PAPPA2: variants seen among roughly 807,000 people sequenced by gnomAD.
PAPPA2 encodes the protein pappalysin 2, also known as pappalysin-2.
In PAPPA2, 86 loss-of-function variants were observed where a neutral mutation model predicts 176.4. The observed-to-expected ratio is 0.49, with a 90% CI of 0.41 to 0.58. The LOEUF is 0.58. Among genes scored for constraint, PAPPA2 ranks in the 20% least tolerant of loss-of-function variants. The pLI, the probability that PAPPA2 is intolerant of heterozygous loss-of-function variation, is 0.00. For missense variants in PAPPA2, 2,073 were observed against 2,256.9 expected (o/e 0.92, Z 1.65); for synonymous variants, 809 against 852.2 (o/e 0.95, Z 0.88).
At chr1:176,829,839 A>G (rs905746859) in intron 21 of PAPPA2, among the ~76,000 whole-genome samples, 1 of 152,198 alleles carries the variant, frequency 6.6e-6, no homozygotes, top group Non-Finnish European at 1.5e-5. Flanking sequence ...GTGAGTGGCC[A>G]CCTAGAGAGG....
At chr1:176,811,489 TA>T (rs1666147479) in intron 21 of PAPPA2, among the ~76,000 whole-genome samples, 1 of 152,156 alleles carries the variant, frequency 6.6e-6, no homozygotes, top group Admixed American at 6.5e-5. Context: ...AAAGGGGTTA[TA>T]AAAATGCTAA....
chr1:176,652,641 C>A (rs1366742619), intron 3 of PAPPA2, among the ~76,000 whole-genome samples: 2 of 151,660 alleles, frequency 1.3e-5, no homozygotes, highest in Non-Finnish European at 3.0e-5. Context: ...GGTAGTTTCA[C>A]CTCTCTTCAT....
At chr1:176,824,135 C>T (rs1401806216) in intron 21 of PAPPA2, among the ~76,000 whole-genome samples, 1 of 152,200 alleles carries the variant, frequency 6.6e-6, no homozygotes, top group Non-Finnish European at 1.5e-5. Context: ...CTTACACTGT[C>T]TCAGTTTGCT....
chr1:176,479,305 G>A lies in PAPPA2; in HGVS notation c.-917+15887G>A, dbSNP rs146994229. ...GGATCTAACTGGTTTTTGGCTTGTT[G>A]TTCTTCTTGTGGAGGTTTTGGTGGA... On this transcript the variant is annotated intron_variant, in intron 1 of 22. Transcript: ENST00000367662. 2.0e-5 allele frequency among the ~76,000 whole-genome samples: 3 copies of A among 152,260 alleles called. No individual in the cohort carries two copies. The East Asian group carries it at 5.8e-4, about 29-fold the overall frequency.
intron 1 of PAPPA2, among the ~76,000 whole-genome samples, chr1:176,549,360 A>G (rs1187799169): frequency 6.6e-6 from 1 of 152,248 alleles, no homozygotes; most frequent in African/African-American, 2.4e-5. Flanking sequence ...TTTATAGGAA[A>G]TGAGCACTGG....
intron 10 of PAPPA2, among the ~76,000 whole-genome samples, chr1:176,707,238 C>T (rs1228587021): frequency 6.6e-6 from 1 of 152,084 alleles, no homozygotes; most frequent in Non-Finnish European, 1.5e-5. Context: ...AAGATAAAGT[C>T]GAATGTGATT....
chr1:176,542,688 C>A (rs534959106), intron 1 of PAPPA2, among the ~76,000 whole-genome samples: 1 of 152,110 alleles, frequency 6.6e-6, no homozygotes, highest in Non-Finnish European at 1.5e-5. Flanking sequence ...GACAAGCTTA[C>A]GGGCTCAGAC....
chr1:176,647,033 A>G (rs1039284272), intron 3 of PAPPA2, among the ~76,000 whole-genome samples: 3 of 151,476 alleles, frequency 2.0e-5, no homozygotes, highest in Middle Eastern at 3.2e-3. Context: ...TACCTACTGT[A>G]TATAACAGTT....
chr1:176,525,345 G>A (rs768305820), intron 1 of PAPPA2, among the ~76,000 whole-genome samples: 2 of 152,130 alleles, frequency 1.3e-5, no homozygotes, highest in African/African-American at 4.8e-5. Flanking sequence ...CACAATTGGT[G>A]CATTTGCTTG....
intron 4 of PAPPA2, among the ~76,000 whole-genome samples, chr1:176,673,341 G>A (rs1262733676): frequency 6.6e-6 from 1 of 152,134 alleles, no homozygotes; most frequent in Non-Finnish European, 1.5e-5. Flanking sequence ...ATTTAATAGT[G>A]AGTATGGGTG....
intron 3 of PAPPA2, among the ~76,000 whole-genome samples, chr1:176,647,207 T>G (rs1657445888): frequency 6.6e-6 from 1 of 151,768 alleles, no homozygotes; most frequent in African/African-American, 2.4e-5. Context: ...TTGTATGTCC[T>G]CTTTTGATAA....
At chr1:176,654,755 A>G (rs565740066) in intron 3 of PAPPA2, among the ~76,000 whole-genome samples, 2 of 151,884 alleles carry the variant, frequency 1.3e-5, no homozygotes, top group South Asian at 4.1e-4. Context: ...TTTATACATC[A>G]GTATTTCATA....
At chr1:176,736,471 A>G (rs1662419178) in intron 12 of PAPPA2, among the ~76,000 whole-genome samples, 1 of 143,322 alleles carries the variant, frequency 7.0e-6, no homozygotes, top group African/African-American at 2.6e-5. Context: ...CAAGTCACAA[A>G]TGTATATGTA....
At chr1:176,590,262 T>G (rs1653578808) in intron 2 of PAPPA2, among the ~76,000 whole-genome samples, 1 of 152,236 alleles carries the variant, frequency 6.6e-6, no homozygotes, top group South Asian at 2.1e-4. Flanking sequence ...TTTACAGTAA[T>G]GGAATCGACT....
chr1:176,621,243 G>A (rs1031007812), intron 3 of PAPPA2, among the ~76,000 whole-genome samples: 10 of 152,204 alleles, frequency 6.6e-5, no homozygotes, highest in African/African-American at 2.4e-4. Context: ...CTTCTGAGAT[G>A]TTCGCAGACT....
chr1:176,516,235 C>T (rs905931046), intron 1 of PAPPA2, among the ~76,000 whole-genome samples: 2 of 151,950 alleles, frequency 1.3e-5, no homozygotes, highest in African/African-American at 4.8e-5. Context: ...GCTAAGATTC[C>T]CTTTTCTGTC....
chr1:176,770,228 C>T (rs1240999014), intron 16 of PAPPA2, among the ~76,000 whole-genome samples: 1 of 152,158 alleles, frequency 6.6e-6, no homozygotes, highest in Non-Finnish European at 1.5e-5. Flanking sequence ...GCTTCTCAGA[C>T]TTTGGTGTGC....
chr1:176,774,623 T>C (rs1664372421), intron 17 of PAPPA2, among the ~76,000 whole-genome samples: 1 of 152,168 alleles, frequency 6.6e-6, no homozygotes, highest in African/African-American at 2.4e-5. Flanking sequence ...TTTTCACCTC[T>C]GAACTGATCT....
At chr1:176,582,050 A>G (rs904569847) in intron 2 of PAPPA2, among the ~76,000 whole-genome samples, 1 of 150,118 alleles carries the variant, frequency 6.7e-6, no homozygotes, top group East Asian at 2.0e-4. Context: ...CAGCCTCCCG[A>G]GTAGCTGGGA....
Sources: allele counts gnomAD v4.1 joint callset (sites outside exome capture counted in the v4.1 genomes callset), GRCh38; gene constraint gnomAD v4.1.1; transcripts MANE v1.5; gene names NCBI Gene and HGNC (gene_info 2026-07-23, HGNC 2026-07-21).